CABIN1: variants seen among roughly 807,000 people sequenced by gnomAD.
CABIN1 encodes calcineurin-binding protein cabin-1.
CABIN1 carries 133 observed loss-of-function variants against 227.7 expected under a neutral mutation model. That is an observed-to-expected ratio of 0.58 (90% confidence interval 0.51 to 0.67). CABIN1 has a LOEUF of 0.67. Among genes scored for constraint, CABIN1 ranks in the 30% least tolerant of loss-of-function variants. CABIN1 has a pLI of 0.00. For synonymous variants in CABIN1, 1,086 were observed against 1,155.1 expected, an observed-to-expected ratio of 0.94 and a Z score of 1.21; for missense variants, 2,408 against 2,852.5, an observed-to-expected ratio of 0.84 and a Z score of 3.55.
At chr22:24,038,203 A>G in intron 3 of CABIN1, 145 bp from the exon 4 acceptor site, 1 of 671,932 alleles carries the variant, frequency 1.5e-6, no homozygotes, top group Admixed American at 2.0e-5. Context: ...CCTTCCTGGA[A>G]GTTGGGAGGT....
chr22:24,136,030 G>A (rs1273147245), intron 29 of CABIN1, among the ~76,000 whole-genome samples: 1 of 152,142 alleles, frequency 6.6e-6, no homozygotes, highest in East Asian at 1.9e-4. Context: ...CAATCTACAT[G>A]ATACCAAGGG....
chr22:24,069,110 G>T (rs2039902765), intron 16 of CABIN1, among the ~76,000 whole-genome samples: 1 of 152,204 alleles, frequency 6.6e-6, no homozygotes, highest in Non-Finnish European at 1.5e-5. Context: ...TTTCCTGTGG[G>T]TGTATAGTGG....
At chr22:24,056,050 TGAA>T in intron 9 of CABIN1, 139 bp from the exon 10 acceptor site, 5 of 725,444 alleles carry the variant, frequency 6.9e-6, no homozygotes, top group Non-Finnish European at 1.2e-5. Context: ...TCTTTGTTGT[TGAA>T]GAAGAGATGG....
At position 24,042,973 on chromosome 22, in the gene CABIN1, C is replaced by T. The variant is rs753351557; in HGVS notation, c.415C>T (p.Arg139Trp). ...TGGACATGTGGCCCTGAGGCTCATC[C>T]GGATCCCCCTGGCTCGCCATGCTTT... Reference protein sequence around the residue: ...KIGHVALRLIRIPLARHAFEE... With the variant: ...KIGHVALRLIWIPLARHAFEE... Residue 139 changes from arginine to tryptophan, a missense_variant, in exon 6 of 37, where the codon CGG becomes TGG. Around this residue, in one of 3 missense-constraint regions of CABIN1, gnomAD observed 1,045 missense variants for 1,168.4 expected, o/e 0.89. Transcript: ENST00000263119. 13 of 1,613,582 alleles carry T rather than the reference C, an allele frequency of 8.1e-6. No homozygotes were observed. Among genetic ancestry groups the T allele is most frequent in the South Asian group, 4.4e-5 (4 of 91,066 alleles).
chr22:24,067,037 T>A lies in CABIN1; in HGVS notation c.2088T>A (p.Ile696=). 6.2e-7 allele frequency: 1 copy of A among 1,614,224 alleles called. No individual in the cohort carries two copies. The highest frequency in any genetic ancestry group is 1.3e-5 in the African/African-American group (1 of 75,046). Residue 696 remains isoleucine, a synonymous_variant, in exon 16 of 37, where the codon ATT becomes ATA. Coordinates refer to ENST00000263119, the MANE Select transcript of CABIN1 (RefSeq NM_012295.4). ...SLERCQSLEE[I]QRLYEAGDYK... is the part of the protein sequence containing the mutation. ...AGCGGTGCCAGTCCCTGGAGGAGATTCAGCGGCTGTATGAAGCAGGCGACT... is the reference window on the plus strand; with the variant it reads ...AGCGGTGCCAGTCCCTGGAGGAGATACAGCGGCTGTATGAAGCAGGCGACT...
chr22:24,027,383 G>T (rs1051371612), intron 1 of CABIN1, among the ~76,000 whole-genome samples: 3 of 152,208 alleles, frequency 2.0e-5, no homozygotes, highest in South Asian at 2.1e-4. Context: ...TTGCCTTAAC[G>T]TAGTAGCTAG....
In CABIN1 at chr22:24,085,111, A is replaced by T; in HGVS notation, c.3223A>T (p.Ile1075Phe). 6.2e-7 allele frequency: 1 copy of T among 1,614,216 alleles called. No individual in the cohort carries two copies. Among genetic ancestry groups the T allele is most frequent in the Non-Finnish European group, 8.5e-7 (1 of 1,180,036 alleles). The stretch of plus-strand genomic sequence containing the variant: ...CAAAAACAAGGAGCAGTCCAAGGCC[A>T]TCAAGTTCTACATGCATGACATCTG... ...HFKNKEQSKA[I>F]KFYMHDICIC... is the part of the protein sequence containing the mutation. Residue 1075 changes from isoleucine (I) to phenylalanine (F), a missense_variant, in exon 22 of 37, where the codon ATC (isoleucine) becomes TTC (phenylalanine). Ile to Phe is a conservative substitution (Grantham distance 21, BLOSUM62 0). Transcript: ENST00000263119.
intron 29 of CABIN1, among the ~76,000 whole-genome samples, chr22:24,159,386 A>G (rs1032695763): frequency 6.6e-5 from 10 of 152,252 alleles, no homozygotes; most frequent in Non-Finnish European, 1.5e-4. Flanking sequence ...GACTCAGGCT[A>G]GTTTGGATTG....
intron 28 of CABIN1, among the ~76,000 whole-genome samples, chr22:24,130,842 C>T (rs1334708321): frequency 6.6e-6 from 1 of 152,208 alleles, no homozygotes; most frequent in Non-Finnish European, 1.5e-5. Flanking sequence ...AACACACTCT[C>T]CACCAGTACA....
At chr22:24,162,702 C>A (rs1458208374) in intron 29 of CABIN1, among the ~76,000 whole-genome samples, 1 of 152,210 alleles carries the variant, frequency 6.6e-6, no homozygotes, top group Non-Finnish European at 1.5e-5. Flanking sequence ...AAGCGGGCGG[C>A]GGTGTCTATG....
intron 29 of CABIN1, chr22:24,156,163 C>T (rs1014650137): frequency 1.0e-5 from 4 of 393,128 alleles, no homozygotes; most frequent in African/African-American, 4.1e-5. Flanking sequence ...CCTCCGCTGC[C>T]CGTCTGGGTC....
At chr22:24,030,760 C>G (rs1014458129) in intron 1 of CABIN1, among the ~76,000 whole-genome samples, 1 of 152,052 alleles carries the variant, frequency 6.6e-6, no homozygotes, top group East Asian at 1.9e-4. Flanking sequence ...GGGACTCAGA[C>G]AGCATATGGG....
intron 6 of CABIN1, among the ~76,000 whole-genome samples, chr22:24,046,550 CCTCT>C (rs1038235673): frequency 1.3e-5 from 2 of 152,070 alleles, no homozygotes; most frequent in Non-Finnish European, 2.9e-5. Context: ...TCTTTGCACC[CCTCT>C]CTCATTGTAG....
rs1418489587 is a variant in CABIN1 at position 24,178,081 on chromosome 22, C to G, written c.6548C>G (p.Ala2183Gly). 1 of 1,613,778 alleles carries G rather than the reference C, an allele frequency of 6.2e-7. No homozygotes were observed. ...KSAILSAQSA[A>G]NVRKESLCQP... is the part of the protein sequence containing the mutation. ...GCCATCCTTTCTGCCCAGTCTGCTG[C>G]CAACGTGAGGAAGGAGAGCCTATGC... Residue 2183 changes from alanine to glycine, a missense_variant, in exon 37 of 37, where the codon GCC becomes GGC. Physicochemically the swap from Ala to Gly is moderately conservative, Grantham distance 60 (BLOSUM62 0). Around this residue, in one of 3 missense-constraint regions of CABIN1, gnomAD observed 714 missense variants for 773.8 expected, o/e 0.92. Coordinates refer to ENST00000263119, the MANE Select transcript of CABIN1 (RefSeq NM_012295.4).
At chr22:24,092,020 G>A in intron 24 of CABIN1, 177 bp downstream of exon 24, 3 of 740,948 alleles carry the variant, frequency 4.0e-6, no homozygotes, top group Non-Finnish European at 6.5e-6. Context: ...CTTTTCCCAA[G>A]GGGTGTTTAT....
intron 29 of CABIN1, among the ~76,000 whole-genome samples, chr22:24,150,102 C>T (rs539344849): frequency 1.3e-5 from 2 of 152,320 alleles, no homozygotes; most frequent in South Asian, 2.1e-4. Flanking sequence ...TCCTGGGAGA[C>T]AGGAGATAAC....
At chr22:24,016,897 C>T (rs2035328271) in intron 1 of CABIN1, among the ~76,000 whole-genome samples, 1 of 152,024 alleles carries the variant, frequency 6.6e-6, no homozygotes, top group South Asian at 2.1e-4. Context: ...AACATTTTTT[C>T]ATATGTTTTA....
intron 28 of CABIN1, among the ~76,000 whole-genome samples, chr22:24,127,733 A>C (rs904297342): frequency 3.9e-5 from 6 of 152,146 alleles, no homozygotes; most frequent in Non-Finnish European, 8.8e-5. Context: ...ATAGTCATTC[A>C]TCCTGCTTCT....
chr22:24,106,825 C>G (rs2042546223), intron 26 of CABIN1, among the ~76,000 whole-genome samples: 1 of 152,162 alleles, frequency 6.6e-6, no homozygotes, highest in Non-Finnish European at 1.5e-5. Context: ...TTCATTCATC[C>G]CTTTTGCCCT....
Sources: gnomAD v4.1 joint callset for allele counts (sites outside exome capture counted in the v4.1 genomes callset) on GRCh38, gnomAD v4.1.1 for gene constraint, gnomAD v4.1.1 regional missense constraint, MANE v1.5 for transcripts, NCBI Gene and HGNC (gene_info 2026-07-23, HGNC 2026-07-21) for gene names.